The following MITF variants were observed in gnomAD, a reference collection of about 807,000 sequenced individuals.
MITF encodes the protein microphthalmia-associated transcription factor.
MITF carries 17 observed loss-of-function variants against 60.5 expected under a neutral mutation model. The ratio of observed to expected loss-of-function variants is 0.28; its 90% CI spans 0.19 to 0.42. The LOEUF is 0.42. Among genes scored for constraint, MITF ranks in the 10% least tolerant of loss-of-function variants. MITF has a pLI of 1.00. For missense variants in MITF, 622 were observed against 683.5 expected (o/e 0.91, Z 1.00); for synonymous variants, 260 against 248.5 (o/e 1.05, Z -0.43).
At chr3:69,892,933 G>C (rs1190309753) in intron 2 of MITF, among the ~76,000 whole-genome samples, 1 of 152,204 alleles carries the variant, frequency 6.6e-6, no homozygotes, top group African/African-American at 2.4e-5. Flanking sequence ...AGTATATCCA[G>C]TGCATGTGGC....
At chr3:69,821,757 A>T (rs961208126) in intron 1 of MITF, among the ~76,000 whole-genome samples, 1 of 147,262 alleles carries the variant, frequency 6.8e-6, no homozygotes, top group Non-Finnish European at 1.5e-5. Context: ...TTATTTTATT[A>T]TGCTTTTTGA....
Position 69,771,098 on chromosome 3 carries a change from G to C in MITF, c.104+31397G>C, listed in dbSNP as rs538635925. Among the ~76,000 whole-genome samples the C allele has an allele frequency of 5.3e-5, 8 of 152,208 alleles. No homozygotes were observed. The South Asian group carries it at 1.7e-3, about 32-fold the overall frequency. On this transcript the variant is annotated intron_variant, in intron 1 of 9. Coordinates refer to ENST00000352241, the MANE Select transcript of MITF (RefSeq NM_001354604.2). ...ATCAGAAACTTGATTTTATGTAGGTGGACCTGGATTCATTCCATGTTGGTT... is the reference window on the plus strand; with the variant it reads ...ATCAGAAACTTGATTTTATGTAGGTCGACCTGGATTCATTCCATGTTGGTT...
At chr3:69,887,513 A>T (rs908782886) in intron 2 of MITF, among the ~76,000 whole-genome samples, 3 of 152,080 alleles carry the variant, frequency 2.0e-5, no homozygotes, top group African/African-American at 7.2e-5. Context: ...TTAGCTCCAG[A>T]TAATATACCA....
intron 1 of MITF, among the ~76,000 whole-genome samples, chr3:69,800,884 C>G (rs1417765101): frequency 2.0e-5 from 3 of 151,938 alleles, no homozygotes; most frequent in Non-Finnish European, 4.4e-5. Context: ...GTGACTGAAC[C>G]AGAAAAAGGC....
intron 1 of MITF, among the ~76,000 whole-genome samples, chr3:69,820,882 C>A (rs61148813): frequency 0.15 from 23,492 of 151,990 alleles, 2,110 homozygotes; most frequent in Non-Finnish European, 0.21. Flanking sequence ...CACATATATA[C>A]ACATTCAATA....
At chr3:69,838,135 A>G (rs2063568248) in intron 1 of MITF, among the ~76,000 whole-genome samples, 1 of 152,230 alleles carries the variant, frequency 6.6e-6, no homozygotes, top group African/African-American at 2.4e-5. Flanking sequence ...ATAGAGTAGA[A>G]TTGAATAGAA....
intron 2 of MITF, among the ~76,000 whole-genome samples, chr3:69,908,097 G>C (rs1005259403): frequency 1.3e-5 from 2 of 150,252 alleles, no homozygotes; most frequent in East Asian, 3.9e-4. Context: ...TTTGCCTTTT[G>C]ATCTTGCTAT....
intron 1 of MITF, among the ~76,000 whole-genome samples, chr3:69,820,056 C>A (rs2063243930): frequency 6.6e-6 from 1 of 152,016 alleles, no homozygotes; most frequent in South Asian, 2.1e-4. Flanking sequence ...TGTGGCTAGC[C>A]CAAATTGAGA....
intron 1 of MITF, among the ~76,000 whole-genome samples, chr3:69,754,791 C>T (rs1704068141): frequency 6.6e-6 from 1 of 152,046 alleles, no homozygotes; most frequent in Non-Finnish European, 1.5e-5. Context: ...AGTGCTCAGC[C>T]CAAAGCCTGG....
rs1051144338 is a variant in MITF at position 69,806,358 on chromosome 3, T to G, written c.104+66657T>G. Among the ~76,000 whole-genome samples the G allele has an allele frequency of 2.6e-5, 4 of 152,140 alleles. 1 individual carries two copies. The South Asian group carries it at 8.3e-4, about 32-fold the overall frequency. ...GCCTTGGCCTCCCAAAGTGCTGGGA[T>G]TACAGGTGTGAGCCACTGCACCCGG... On this transcript the variant is annotated intron_variant, in intron 1 of 9. Transcript: ENST00000352241.
chr3:69,928,839 G>A (rs1269034308), intron 2 of MITF, among the ~76,000 whole-genome samples: 4 of 152,114 alleles, frequency 2.6e-5, no homozygotes, highest in Non-Finnish European at 4.4e-5. Flanking sequence ...ACTTATCTAG[G>A]GGTCTACAGC....
intron 1 of MITF, among the ~76,000 whole-genome samples, chr3:69,801,167 C>T (rs1426150530): frequency 6.6e-6 from 1 of 151,450 alleles, no homozygotes; most frequent in East Asian, 2.0e-4. Flanking sequence ...AGAAAAAGCT[C>T]GGCTGACGTT....
intron 2 of MITF, among the ~76,000 whole-genome samples, chr3:69,881,887 A>G (rs1241297829): frequency 6.6e-6 from 1 of 152,168 alleles, no homozygotes; most frequent in East Asian, 1.9e-4. Context: ...TTAACTTGCT[A>G]AAACAGAACA....
intron 1 of MITF, among the ~76,000 whole-genome samples, chr3:69,809,074 C>G (rs1295142823): frequency 1.3e-5 from 2 of 152,118 alleles, no homozygotes; most frequent in Non-Finnish European, 2.9e-5. Context: ...CAACAGGACT[C>G]TTCCAAACTT....
chr3:69,804,482 C>G (rs2062973642), intron 1 of MITF, among the ~76,000 whole-genome samples: 1 of 152,138 alleles, frequency 6.6e-6, no homozygotes, highest in African/African-American at 2.4e-5. Context: ...AACCTTTTCT[C>G]TCTATAATTC....
chr3:69,854,006 C>T lies in MITF; in HGVS notation c.105-25128C>T, dbSNP rs375306350. 3.9e-5 allele frequency among the ~76,000 whole-genome samples: 6 copies of T among 151,958 alleles called. No individual in the cohort carries two copies. The South Asian group carries it at 8.3e-4, about 21-fold the overall frequency. On this transcript the variant is annotated intron_variant, in intron 1 of 9. Coordinates refer to ENST00000352241, the MANE Select transcript of MITF (RefSeq NM_001354604.2). The stretch of plus-strand genomic sequence containing the variant: ...CTGGGATTACAGGTGCACGCCACCA[C>T]GCCTGGCTAATTTTTGTATTTTTAG...
chr3:69,761,643 T>C (rs1487955857), intron 1 of MITF, among the ~76,000 whole-genome samples: 3 of 152,134 alleles, frequency 2.0e-5, no homozygotes, highest in Non-Finnish European at 4.4e-5. Context: ...CCAAAACAAA[T>C]AGTTATATCT....
chr3:69,848,738 T>C (rs2107169212), intron 1 of MITF, among the ~76,000 whole-genome samples: 1 of 152,230 alleles, frequency 6.6e-6, no homozygotes, highest in South Asian at 2.1e-4. Context: ...TCGCTCGTGA[T>C]CTCTATCCTT....
chr3:69,935,711 T>A (rs2065817991), intron 2 of MITF, among the ~76,000 whole-genome samples: 1 of 152,180 alleles, frequency 6.6e-6, no homozygotes, highest in African/African-American at 2.4e-5. Flanking sequence ...TAAGTATATA[T>A]TTGCTTGCCT....
Sources: gnomAD v4.1 joint callset for allele counts (sites outside exome capture counted in the v4.1 genomes callset) on GRCh38, gnomAD v4.1.1 for gene constraint, MANE v1.5 for transcripts, NCBI Gene and HGNC (gene_info 2026-07-23, HGNC 2026-07-21) for gene names.